The following PRSS55 variants were observed in gnomAD, a reference collection of about 807,000 sequenced individuals.
PRSS55 encodes serine protease 55.
Under a neutral mutation model 23.6 loss-of-function variants are expected in PRSS55, and 41 were observed. The observed-to-expected ratio is 1.74, with a 90% confidence interval of 1.35 to 2.26. The LOEUF (loss-of-function observed/expected upper bound fraction) is 2.26. PRSS55 is among the 30% of genes most tolerant of loss of function. The pLI is 0.00. For synonymous variants in PRSS55, 262 were observed against 175.5 expected (o/e 1.49, Z -3.90); for missense variants, 669 against 439.1 (o/e 1.52, Z -4.68).
At chr8:10,548,332 G>C (rs1463586731) in intron 4 of PRSS55, among the ~76,000 whole-genome samples, 1 of 152,142 alleles carries the variant, frequency 6.6e-6, no homozygotes, top group African/African-American at 2.4e-5. Flanking sequence ...CAGCCAGGCA[G>C]GTGACAGACA....
chr8:10,540,073 C>T (rs1346148345), downstream of PRSS55, among the ~76,000 whole-genome samples: 2 of 152,214 alleles, frequency 1.3e-5, no homozygotes, highest in Admixed American at 1.3e-4. Flanking sequence ...TTCAGCTGAC[C>T]TCCCTCCATG....
At chr8:10,543,714 A>T (rs944228611), downstream of PRSS55, among the ~76,000 whole-genome samples, 1 of 96,868 alleles carries the variant, frequency 1.0e-5, no homozygotes, top group Admixed American at 1.0e-4. Flanking sequence ...TGCATCACAT[A>T]TGTTTTTGTG....
intron 1 of PRSS55, 164 bp from the exon 2 acceptor site, chr8:10,529,343 T>C (rs73662852): frequency 1.0e-5 from 7 of 684,524 alleles, no homozygotes; most frequent in South Asian, 5.1e-5. Flanking sequence ...TGCCGGCTGA[T>C]GTCACAAGGG....
intron 1 of PRSS55, among the ~76,000 whole-genome samples, chr8:10,527,879 A>G (rs924622071): frequency 6.6e-6 from 1 of 152,254 alleles, no homozygotes; most frequent in Non-Finnish European, 1.5e-5. Context: ...CACAGTAAGC[A>G]TCATATGTAA....
chr8:10,525,815 G>C (rs932105497), intron 1 of PRSS55, 76 bp downstream of exon 1: 25 of 1,468,236 alleles, frequency 1.7e-5, no homozygotes, highest in East Asian at 2.5e-5. Context: ...GTGGATCGCA[G>C]AGCACAAGGC....
intron 4 of PRSS55, 32 bp from the exon 5 acceptor site, chr8:10,538,444 A>T: frequency 6.5e-7 from 1 of 1,529,670 alleles, no homozygotes; most frequent in Non-Finnish European, 9.0e-7. Context: ...TTAGAACCGG[A>T]CTCCCTGCTG....
At chr8:10,551,483 T>A (rs1020256802) in intron 4 of PRSS55, among the ~76,000 whole-genome samples, 1 of 152,206 alleles carries the variant, frequency 6.6e-6, no homozygotes, top group African/African-American at 2.4e-5. Context: ...CATTGCAGGC[T>A]GTGACGTGCA....
At chr8:10,529,267 TAG>T in intron 1 of PRSS55, 9 of 571,254 alleles carry the variant, frequency 1.6e-5, no homozygotes, top group Non-Finnish European at 2.5e-5. Flanking sequence ...AAATGCTGGA[TAG>T]AGTCAGAGCC....
chr8:10,549,600 C>T (rs373409518), intron 4 of PRSS55, among the ~76,000 whole-genome samples: 6 of 152,242 alleles, frequency 3.9e-5, no homozygotes, highest in Non-Finnish European at 2.9e-5. Flanking sequence ...TTCTAAGATG[C>T]GAAACAAGGC....
chr8:10,529,397 G>A (rs1410407572), intron 1 of PRSS55, 110 bp from the exon 2 acceptor site: 9 of 1,089,014 alleles, frequency 8.3e-6, no homozygotes, highest in Non-Finnish European at 1.3e-5. Context: ...CTAGAATGGG[G>A]ATGAGGATAT....
At position 10,538,568 on chromosome 8, in the gene PRSS55, G is replaced by A; in HGVS notation, c.834G>A (p.Glu278=). 1.2e-6 allele frequency: 2 copies of A among 1,614,132 alleles called. No individual in the cohort carries two copies. The highest frequency in any genetic ancestry group is 1.7e-6 in the Non-Finnish European group (2 of 1,179,974). The change falls in exon 5 of 5, where the codon GAG becomes GAA. Residue 278 remains glutamate (E), a synonymous_variant. Transcript: ENST00000328655. ...TAAGCTGGGGAAAGAGCTGTGGAGA[G>A]AAGAACACCCCAGGGATATACACCT... ...GIISWGKSCG[E]KNTPGIYTSL... is the part of the protein sequence containing the mutation.
At position 10,528,714 on chromosome 8, in the gene PRSS55, G is replaced by A. The variant is rs1184188900; in HGVS notation, c.155-793G>A. Among the ~76,000 whole-genome samples, 2 of 152,232 alleles carry A rather than the reference G, an allele frequency of 1.3e-5. 1 individual carries two copies. The highest frequency in any genetic ancestry group is 1.3e-4 in the Admixed American group (2 of 15,284). On this transcript the variant is annotated intron_variant, in intron 1 of 4. Coordinates refer to ENST00000328655, the MANE Select transcript of PRSS55 (RefSeq NM_198464.4). Reference sequence around the variant, plus strand: ...GAAATGAATGACCACACACCTGGCGGCTTAAACAACACAAATGTCTTATCC... The same window carrying A: ...GAAATGAATGACCACACACCTGGCGACTTAAACAACACAAATGTCTTATCC...
At chr8:10,553,882 C>A in intron 4 of PRSS55, 1 of 1,125,134 alleles carries the variant, frequency 8.9e-7, no homozygotes, top group Non-Finnish European at 1.3e-6. Context: ...ATCAAAGCAC[C>A]ACATTGTACA....
At position 10,525,683 on chromosome 8, in the gene PRSS55, G is replaced by A; in HGVS notation, c.98G>A (p.Gly33Asp). The change falls in exon 1 of 5, where the codon GGC becomes GAC. Residue 33 changes from glycine (G) to aspartate (D), a missense_variant. Coordinates refer to ENST00000328655, the MANE Select transcript of PRSS55 (RefSeq NM_198464.4). ...PLPEAGVAIL[G>D]RARGAHRPQP... Reference sequence around the variant, plus strand: ...CCAGAGGCTGGAGTGGCTATCCTAGGCAGGGCTAGGGGAGCCCACCGCCCT... The same window carrying A: ...CCAGAGGCTGGAGTGGCTATCCTAGACAGGGCTAGGGGAGCCCACCGCCCT... The A allele has an allele frequency of 1.2e-6, 2 of 1,613,962 alleles. No homozygotes were observed. Among genetic ancestry groups the A allele is most frequent in the South Asian group, 1.1e-5 (1 of 91,058 alleles).
chr8:10,531,315 T>C lies in PRSS55; in HGVS notation c.368T>C (p.Val123Ala), dbSNP rs753013390. 6.2e-7 allele frequency: 1 copy of C among 1,614,140 alleles called. No individual in the cohort carries two copies. The highest frequency in any genetic ancestry group is 1.1e-5 in the South Asian group (1 of 91,088). The change falls in exon 3 of 5, where the codon GTG becomes GCG. Residue 123 changes from valine to alanine, a missense_variant. Val to Ala is a moderately conservative substitution (Grantham distance 64). Transcript: ENST00000328655. ...EELFPEELSV[V>A]LGTNDLTSPS... is the part of the protein sequence containing the mutation. ...ACCAGTCCAGAAGAACTGAGTGTCGTGCTGGGGACCAACGACTTAACTAGC... is the reference window on the plus strand; with the variant it reads ...ACCAGTCCAGAAGAACTGAGTGTCGCGCTGGGGACCAACGACTTAACTAGC...
chr8:10,527,222 G>A (rs192532093), intron 1 of PRSS55, among the ~76,000 whole-genome samples: 1 of 152,250 alleles, frequency 6.6e-6, no homozygotes, highest in African/African-American at 2.4e-5. Flanking sequence ...CTGAGAAGTA[G>A]TTGATGATAT....
At chr8:10,528,300 T>C (rs1179242165) in intron 1 of PRSS55, among the ~76,000 whole-genome samples, 1 of 152,162 alleles carries the variant, frequency 6.6e-6, no homozygotes, top group Non-Finnish European at 1.5e-5. Context: ...CCGTATTTTT[T>C]TAAACCAAAA....
chr8:10,541,466 C>T (rs1039605854), downstream of PRSS55: 58 of 152,344 alleles, frequency 3.8e-4, no homozygotes, highest in Middle Eastern at 6.8e-3. Flanking sequence ...GCCTGCCAGT[C>T]TCTAAACCAG....
At chr8:10,552,068 C>T (rs555727273) in intron 4 of PRSS55, among the ~76,000 whole-genome samples, 1 of 152,136 alleles carries the variant, frequency 6.6e-6, no homozygotes, top group Non-Finnish European at 1.5e-5. Flanking sequence ...CCTCAGTAAG[C>T]CTTCATGTGC....
Sources: allele counts gnomAD v4.1 joint callset (sites outside exome capture counted in the v4.1 genomes callset), GRCh38; gene constraint gnomAD v4.1.1; transcripts MANE v1.5; gene names NCBI Gene and HGNC (gene_info 2026-07-23, HGNC 2026-07-21).